The following ZNF254 variants were observed in gnomAD, a reference collection of about 807,000 sequenced individuals.
The protein encoded by ZNF254 is zinc finger protein 254, also known as CTD-2017D11.1.
A neutral mutation model predicts 12.4 loss-of-function variants in ZNF254; 10 were observed. The observed-to-expected ratio is 0.80, with a 90% confidence interval of 0.50 to 1.36. The LOEUF is 1.36. Ranked by LOEUF, ZNF254 falls within the 40% of genes most tolerant of loss-of-function variation. ZNF254 has a pLI of 0.00. For missense variants in ZNF254, 996 were observed against 763.9 expected (o/e 1.30, Z -3.58); for synonymous variants, 305 against 253.4 (o/e 1.20, Z -1.93).
Position 24,127,355 on chromosome 19 carries a change from A to G in ZNF254, c.1355A>G (p.His452Arg), listed in dbSNP as rs1244614012. 6.2e-6 allele frequency: 10 copies of G among 1,613,622 alleles called. 1 individual carries two copies. In the African/African-American group the frequency reaches 6.7e-5, roughly 11 times the overall value. The change falls in exon 4 of 4, where the codon CAT (histidine) becomes CGT (arginine). Residue 452 changes from histidine to arginine, a missense_variant. By Grantham distance (29) the His-to-Arg change is conservative (BLOSUM62 0). Coordinates refer to ENST00000357002, the MANE Select transcript of ZNF254 (RefSeq NM_203282.4). ...AFIWSSTLTK[H>R]KRIHTREKPY... is the part of the protein sequence containing the mutation. ...ATCTGGTCCTCAACCCTTACTAAACATAAGAGAATTCATACTAGAGAGAAA... is the reference window on the plus strand; with the variant it reads ...ATCTGGTCCTCAACCCTTACTAAACGTAAGAGAATTCATACTAGAGAGAAA...
intron 2 of ZNF254, among the ~76,000 whole-genome samples, chr19:24,063,407 T>C (rs1331950244): frequency 1.3e-5 from 2 of 152,226 alleles, no homozygotes. Context: ...GTGGTCATTG[T>C]GACATTGCTT....
At chr19:24,112,910 C>G (rs994409247) in intron 3 of ZNF254, among the ~76,000 whole-genome samples, 4 of 152,132 alleles carry the variant, frequency 2.6e-5, no homozygotes, top group Admixed American at 6.6e-5. Context: ...CACCTCTATG[C>G]AAATAAACTA....
chr19:24,124,693 C>T (rs749114532), intron 3 of ZNF254, among the ~76,000 whole-genome samples: 41 of 151,820 alleles, frequency 2.7e-4, no homozygotes, highest in Non-Finnish European at 5.4e-4. Flanking sequence ...TCCCTTATGG[C>T]CTGCAAAATT....
chr19:24,092,596 G>C (rs1972459749), intron 1 of ZNF254, among the ~76,000 whole-genome samples: 1 of 151,840 alleles, frequency 6.6e-6, no homozygotes, highest in Non-Finnish European at 1.5e-5. Context: ...GCTCAGGCTG[G>C]TCTCAAACTC....
Position 24,105,988 on chromosome 19 carries a change from T to A in ZNF254, c.79T>A (p.Trp27Arg), listed in dbSNP as rs763905934. The A allele has an allele frequency of 6.2e-7, 1 of 1,600,218 alleles. No individual in the cohort carries two copies. Among genetic ancestry groups the A allele is most frequent in the South Asian group, 1.1e-5 (1 of 90,966 alleles). ...GGCCATAGAATTCTCTCTGGAGGAG[T>A]GGCAACACCTGGACATTGCACAGCA... The part of the protein sequence containing the change: ...DVAIEFSLEE[W>R]QHLDIAQQNL... Residue 27 changes from tryptophan (W) to arginine (R), a missense_variant, in exon 2 of 4, where the codon TGG becomes AGG. Physicochemically the swap from Trp to Arg is moderately radical, Grantham distance 101. Transcript: ENST00000357002.
At chr19:24,090,808 G>T (rs1205041204) in intron 1 of ZNF254, among the ~76,000 whole-genome samples, 1 of 152,122 alleles carries the variant, frequency 6.6e-6, no homozygotes, top group African/African-American at 2.4e-5. Context: ...TTTGCAAAGG[G>T]CATAAAAGAG....
Position 24,126,587 on chromosome 19 carries a change from A to G in ZNF254, c.587A>G (p.His196Arg). ...KRVKLFCMLS[H>R]KTQHKSIYHR... The stretch of plus-strand genomic sequence containing the variant: ...GTCAAATTATTTTGCATGCTTTCAC[A>G]TAAAACCCAACACAAAAGCATTTAT... The change falls in exon 4 of 4, where the codon CAT (histidine) becomes CGT (arginine). Residue 196 changes from histidine to arginine, a missense_variant. By Grantham distance (29) the His-to-Arg change is conservative. Coordinates refer to ENST00000357002, the MANE Select transcript of ZNF254 (RefSeq NM_203282.4). 3 of 1,604,018 alleles carry G rather than the reference A, an allele frequency of 1.9e-6. No individual in the cohort carries two copies. Among genetic ancestry groups the G allele is most frequent in the Non-Finnish European group, 2.5e-6 (3 of 1,177,556 alleles).
At chr19:24,094,983 G>C (rs193110203) in intron 1 of ZNF254, among the ~76,000 whole-genome samples, 1 of 152,132 alleles carries the variant, frequency 6.6e-6, no homozygotes, top group Non-Finnish European at 1.5e-5. Flanking sequence ...CACTGCACCC[G>C]TCCACTTCCA....
chr19:24,044,204 C>T (rs1030462044), intron 1 of ZNF254, among the ~76,000 whole-genome samples: 4 of 147,536 alleles, frequency 2.7e-5, no homozygotes, highest in African/African-American at 5.1e-5. Flanking sequence ...TACACTACTG[C>T]ACTCCATCCT....
chr19:24,084,633 A>AT (rs1971961473), upstream of ZNF254, among the ~76,000 whole-genome samples: 1 of 151,920 alleles, frequency 6.6e-6, no homozygotes, highest in African/African-American at 2.4e-5. Flanking sequence ...TTTTTGGTTT[A>AT]TTTTTTATTT....
rs777750293 is a variant in ZNF254 at position 24,087,331 on chromosome 19, A to T, written c.24A>T (p.Leu8=). 10 of 1,613,406 alleles carry T rather than the reference A, an allele frequency of 6.2e-6. No individual in the cohort carries two copies. The highest frequency in any genetic ancestry group is 7.6e-6 in the Non-Finnish European group (9 of 1,179,692). The change falls in exon 1 of 4, where the codon CTA becomes CTT. Residue 8 remains leucine, a synonymous_variant. Transcript: ENST00000357002. ...AGATGCCAGGACCCCCTAGAAGCCT[A>T]GAAATGGTGAGAATGCCAGTCCGAC... MPGPPRS[L]EMGLLTFRDV...
At chr19:24,050,147 A>G (rs1026027870) in intron 2 of ZNF254, among the ~76,000 whole-genome samples, 1 of 151,544 alleles carries the variant, frequency 6.6e-6, no homozygotes, top group East Asian at 1.9e-4. Context: ...TATTTATTGT[A>G]TTATATTTTA....
At position 24,087,190 on chromosome 19, in the gene ZNF254, T is replaced by G. The variant is rs1044895983; in HGVS notation, c.-118T>G. On this transcript the variant is annotated 5_prime_UTR_variant, in exon 1 of 4. Coordinates refer to ENST00000357002, the MANE Select transcript of ZNF254 (RefSeq NM_203282.4). ...GCGGCTTCCGGGATATGGCGGGGCC[T>G]TTGTCTCTCGCTGTCGCCGGAGTCC... 7.2e-7 allele frequency: 1 copy of G among 1,382,572 alleles called. No homozygotes were observed. The highest frequency in any genetic ancestry group is 1.4e-5 in the African/African-American group (1 of 69,776). The allele number at this position is 1,382,572 out of a possible 1,614,324, so 85.6% of individuals were successfully genotyped here.
intron 1 of ZNF254, among the ~76,000 whole-genome samples, chr19:24,033,854 G>T (rs555221734): frequency 3.3e-5 from 5 of 152,366 alleles, no homozygotes; most frequent in South Asian, 2.1e-4. Flanking sequence ...ATGCAGCCCC[G>T]AGTATTTCCC....
chr19:24,034,114 C>T (rs1021437815), intron 1 of ZNF254, among the ~76,000 whole-genome samples: 38 of 152,144 alleles, frequency 2.5e-4, no homozygotes, highest in Non-Finnish European at 7.4e-5. Flanking sequence ...TGCGCCACCA[C>T]GCCTGGCTAG....
At chr19:24,040,716 C>T (rs1363097206) in intron 1 of ZNF254, among the ~76,000 whole-genome samples, 1 of 152,202 alleles carries the variant, frequency 6.6e-6, no homozygotes, top group Non-Finnish European at 1.5e-5. Context: ...GCTCAATAAA[C>T]ACTGTATTAA....
At chr19:24,111,647 A>T (rs2145856700) in intron 3 of ZNF254, among the ~76,000 whole-genome samples, 1 of 152,376 alleles carries the variant, frequency 6.6e-6, no homozygotes, top group African/African-American at 2.4e-5. Context: ...TCGCCATTCT[A>T]ACTGGTGTGA....
chr19:24,033,913 G>C (rs1224886051), intron 1 of ZNF254, among the ~76,000 whole-genome samples: 2 of 152,212 alleles, frequency 1.3e-5, no homozygotes, highest in Non-Finnish European at 2.9e-5. Flanking sequence ...ATCCTGACTT[G>C]GTGTGTGCGT....
chr19:24,123,501 T>G (rs988049578), intron 3 of ZNF254, among the ~76,000 whole-genome samples: 3 of 152,180 alleles, frequency 2.0e-5, no homozygotes, highest in Non-Finnish European at 2.9e-5. Context: ...AGTGTGGTAT[T>G]AAAATATCTT....
Sources: allele counts gnomAD v4.1 joint callset (sites outside exome capture counted in the v4.1 genomes callset), GRCh38; gene constraint gnomAD v4.1.1; transcripts MANE v1.5; gene names NCBI Gene and HGNC (gene_info 2026-07-23, HGNC 2026-07-21).